Variants in HS6ST3 observed in about 807,000 individuals in gnomAD.
The protein encoded by HS6ST3 is heparan-sulfate 6-O-sulfotransferase 3.
Under a neutral mutation model 36.7 loss-of-function variants are expected in HS6ST3, and 12 were observed. The observed-to-expected ratio is 0.33, with a 90% confidence interval of 0.21 to 0.53. HS6ST3 has a LOEUF of 0.53. Among genes scored for constraint, HS6ST3 ranks in the 20% least tolerant of loss-of-function variants. HS6ST3 has a pLI of 0.95. For missense variants in HS6ST3, 584 were observed against 640.9 expected, an observed-to-expected ratio of 0.91 and a Z score of 0.96; for synonymous variants, 240 against 257.5, an observed-to-expected ratio of 0.93 and a Z score of 0.65.
At chr13:96,154,654 A>G (rs1010365215) in intron 1 of HS6ST3, among the ~76,000 whole-genome samples, 1 of 152,182 alleles carries the variant, frequency 6.6e-6, no homozygotes, top group Admixed American at 6.5e-5. Context: ...CAGATGACTC[A>G]CAAAGGAAAA....
chr13:96,096,047 C>G (rs1362118024), intron 1 of HS6ST3, among the ~76,000 whole-genome samples: 8 of 151,734 alleles, frequency 5.3e-5, no homozygotes, highest in Non-Finnish European at 1.0e-4. Flanking sequence ...TTGTATACCA[C>G]TTAGGAAAAA....
intron 1 of HS6ST3, among the ~76,000 whole-genome samples, chr13:96,239,104 A>G (rs2054548353): frequency 6.6e-6 from 1 of 152,224 alleles, no homozygotes; most frequent in South Asian, 2.1e-4. Flanking sequence ...TTATCCTTAC[A>G]AAATCTCTTC....
Position 96,315,984 on chromosome 13 carries a change from G to A in HS6ST3, c.707+224415G>A, listed in dbSNP as rs1364745086. 4.6e-5 allele frequency among the ~76,000 whole-genome samples: 7 copies of A among 152,156 alleles called. No individual in the cohort carries two copies. In the East Asian group the frequency reaches 7.7e-4, roughly 17 times the overall value. ...GCACTTGGCTTCTCCCCAGAACTTCGGAATGCTCACTTCTGGTTGTATTTT... is the reference window on the plus strand; with the variant it reads ...GCACTTGGCTTCTCCCCAGAACTTCAGAATGCTCACTTCTGGTTGTATTTT... On this transcript the variant is annotated intron_variant, in intron 1 of 1. Transcript: ENST00000376705.
intron 1 of HS6ST3, among the ~76,000 whole-genome samples, chr13:96,669,987 AT>A: frequency 6.6e-6 from 1 of 152,258 alleles, no homozygotes; most frequent in East Asian, 1.9e-4. Context: ...TTTTTAGATT[AT>A]TTTTAAAGCC....
chr13:96,796,015 A>G (rs1172654223), intron 1 of HS6ST3, among the ~76,000 whole-genome samples: 1 of 152,134 alleles, frequency 6.6e-6, no homozygotes, highest in Non-Finnish European at 1.5e-5. Flanking sequence ...TGAAAGCCCA[A>G]ACTGCCATCA....
intron 1 of HS6ST3, among the ~76,000 whole-genome samples, chr13:96,621,837 C>T (rs1293140604): frequency 6.6e-6 from 1 of 152,150 alleles, no homozygotes; most frequent in African/African-American, 2.4e-5. Flanking sequence ...AGGTTTATTG[C>T]ACCATTGCAA....
intron 1 of HS6ST3, among the ~76,000 whole-genome samples, chr13:96,689,593 G>GCTTTCTTT (rs1487409910): frequency 1.6e-5 from 1 of 62,222 alleles, no homozygotes; most frequent in Non-Finnish European, 3.2e-5. Context: ...TGTAGTTTTT[G>GCTTTCTTT]CTTTCTTTCT....
intron 1 of HS6ST3, among the ~76,000 whole-genome samples, chr13:96,704,682 A>G (rs1476751279): frequency 1.3e-5 from 2 of 152,092 alleles, no homozygotes; most frequent in African/African-American, 2.4e-5. Context: ...GAAGCCAGGT[A>G]TGAGGGAATG....
chr13:96,805,471 T>G (rs1878177265), intron 1 of HS6ST3, among the ~76,000 whole-genome samples: 1 of 152,162 alleles, frequency 6.6e-6, no homozygotes, highest in Admixed American at 6.5e-5. Context: ...TTACCCAGTC[T>G]CAGGTAGTTC....
intron 1 of HS6ST3, among the ~76,000 whole-genome samples, chr13:96,651,374 A>G (rs1388996008): frequency 6.6e-6 from 1 of 151,982 alleles, no homozygotes; most frequent in Non-Finnish European, 1.5e-5. Context: ...ATCCAGCATG[A>G]CAATCTGTGA....
Position 96,801,998 on chromosome 13 carries a change from C to A in HS6ST3, c.708-30492C>A, listed in dbSNP as rs75032873. ...TTGGCTTCCTCTAATGGCCAATTCT[C>A]CCCATCATTGCCAGATGGTTGAAGT... On this transcript the variant is annotated intron_variant, in intron 1 of 1. Coordinates refer to ENST00000376705, the MANE Select transcript of HS6ST3 (RefSeq NM_153456.4). Among the ~76,000 whole-genome samples, 548 of 152,242 alleles carry A rather than the reference C, an allele frequency of 3.6e-3. 4 individuals are homozygous for A. Among genetic ancestry groups the A allele is most frequent in the African/African-American group, 0.013 (527 of 41,550 alleles).
intron 1 of HS6ST3, among the ~76,000 whole-genome samples, chr13:96,488,118 C>A (rs1216776293): frequency 6.6e-6 from 1 of 152,090 alleles, no homozygotes; most frequent in Non-Finnish European, 1.5e-5. Flanking sequence ...TAGATTTACC[C>A]AAAATGATTT....
At chr13:96,534,360 T>C (rs944828990) in intron 1 of HS6ST3, among the ~76,000 whole-genome samples, 8 of 152,356 alleles carry the variant, frequency 5.3e-5, no homozygotes, top group African/African-American at 1.7e-4. Context: ...AGGATAATTA[T>C]GTATACCCAC....
intron 1 of HS6ST3, among the ~76,000 whole-genome samples, chr13:96,195,120 C>T (rs1203474916): frequency 6.6e-6 from 1 of 152,138 alleles, no homozygotes; most frequent in Non-Finnish European, 1.5e-5. Flanking sequence ...GTTACTAGTT[C>T]AAGATTTGTC....
At chr13:96,592,266 C>G (rs998753209) in intron 1 of HS6ST3, among the ~76,000 whole-genome samples, 2 of 152,022 alleles carry the variant, frequency 1.3e-5, no homozygotes, top group Non-Finnish European at 2.9e-5. Flanking sequence ...AATAAACAAA[C>G]AAGCAAAAAA....
intron 1 of HS6ST3, among the ~76,000 whole-genome samples, chr13:96,610,922 A>G (rs992721283): frequency 6.6e-6 from 1 of 151,620 alleles, no homozygotes; most frequent in Admixed American, 6.6e-5. Flanking sequence ...ATACTGGCAT[A>G]GCATAGAAAT....
chr13:96,503,417 C>T (rs776695077), intron 1 of HS6ST3, among the ~76,000 whole-genome samples: 4 of 152,134 alleles, frequency 2.6e-5, no homozygotes, highest in Non-Finnish European at 4.4e-5. Flanking sequence ...TAGCAACACA[C>T]TAGAGTATTT....
At chr13:96,614,884 G>C (rs1435190492) in intron 1 of HS6ST3, among the ~76,000 whole-genome samples, 1 of 151,992 alleles carries the variant, frequency 6.6e-6, no homozygotes, top group Non-Finnish European at 1.5e-5. Flanking sequence ...TTTTAGGTTT[G>C]TTTTCATCTC....
intron 1 of HS6ST3, among the ~76,000 whole-genome samples, chr13:96,756,500 C>T (rs1412496382): frequency 1.3e-5 from 2 of 152,146 alleles, no homozygotes; most frequent in East Asian, 3.8e-4. Context: ...TGATGTATCC[C>T]TTATGCATGT....
Sources: gnomAD v4.1 joint callset for allele counts (sites outside exome capture counted in the v4.1 genomes callset) on GRCh38, gnomAD v4.1.1 for gene constraint, MANE v1.5 for transcripts, NCBI Gene and HGNC (gene_info 2026-07-23, HGNC 2026-07-21) for gene names.